KCNN2: variants seen among roughly 807,000 people sequenced by gnomAD.
KCNN2 encodes small conductance calcium-activated potassium channel protein 2.
Under a neutral mutation model 55.5 loss-of-function variants are expected in KCNN2, and 24 were observed. The ratio of observed to expected loss-of-function variants is 0.43; its 90% confidence interval spans 0.31 to 0.61. KCNN2 has a LOEUF of 0.61. Ranked by LOEUF, KCNN2 falls within the 20% of genes least tolerant of loss-of-function variation. KCNN2 has a pLI of 0.08. For synonymous variants in KCNN2, 431 were observed against 336.1 expected, an observed-to-expected ratio of 1.28 and a Z score of -3.09; for missense variants, 754 against 853.6, an observed-to-expected ratio of 0.88 and a Z score of 1.45.
chr5:114,166,834 A>G (rs1041901018), intron 1 of KCNN2, among the ~76,000 whole-genome samples: 2 of 152,060 alleles, frequency 1.3e-5, no homozygotes, highest in Admixed American at 1.3e-4. Flanking sequence ...ACCCTGATGA[A>G]TGAGATCAGT....
chr5:114,431,394 A>G (rs1464906684), intron 3 of KCNN2, among the ~76,000 whole-genome samples: 1 of 151,982 alleles, frequency 6.6e-6, no homozygotes, highest in Non-Finnish European at 1.5e-5. Flanking sequence ...TCATAATATT[A>G]CTTTGCTATC....
intron 1 of KCNN2, among the ~76,000 whole-genome samples, chr5:114,221,415 C>A (rs545539800): frequency 6.6e-6 from 1 of 152,152 alleles, no homozygotes; most frequent in East Asian, 1.9e-4. Context: ...CAATACAAAG[C>A]TATTATTTAA....
upstream of KCNN2, chr5:114,056,020 T>A (rs1750197429): frequency 4.4e-6 from 1 of 227,444 alleles, no homozygotes; most frequent in African/African-American, 2.3e-5. Context: ...GGCCCCCGCC[T>A]GCAGGACTCG....
intron 2 of KCNN2, among the ~76,000 whole-genome samples, chr5:114,293,097 A>G (rs1462587628): frequency 2.6e-5 from 4 of 152,188 alleles, no homozygotes; most frequent in Non-Finnish European, 4.4e-5. Flanking sequence ...TTGGGCTGAG[A>G]CAATGGGGTT....
chr5:114,244,294 A>T (rs61543711), intron 2 of KCNN2, among the ~76,000 whole-genome samples: 3,703 of 150,388 alleles, frequency 0.025, 139 homozygotes, highest in African/African-American at 0.085. Flanking sequence ...GCAAGATGGA[A>T]TTTTTTTGCT....
chr5:114,386,778 C>T (rs985037011), intron 2 of KCNN2, among the ~76,000 whole-genome samples: 10 of 152,160 alleles, frequency 6.6e-5, no homozygotes, highest in South Asian at 2.1e-4. Flanking sequence ...AACATGTCAG[C>T]GAATACATTC....
chr5:114,466,909 A>G (rs2150119193), intron 4 of KCNN2, among the ~76,000 whole-genome samples: 1 of 152,290 alleles, frequency 6.6e-6, no homozygotes, highest in South Asian at 2.1e-4. Context: ...AACAAAAGCA[A>G]TGCGTAAAGC....
At chr5:114,456,891 C>A (rs35641030) in intron 3 of KCNN2, among the ~76,000 whole-genome samples, 121,989 of 152,140 alleles carry the variant, frequency 0.8, 49,216 homozygotes, top group East Asian at 0.93. Context: ...ATGTATGGGG[C>A]GTTTGCTTTG....
chr5:114,068,186 A>G lies in KCNN2; in HGVS notation c.-271+11686A>G, dbSNP rs143908205. ...ATTTCTACACCAAATATTCTAACAA[A>G]TACTTTTCTATAACAGATATTCTTA... On this transcript the variant is annotated intron_variant, in intron 1 of 10. Transcript: ENST00000512097. Among the ~76,000 whole-genome samples the G allele has an allele frequency of 2.7e-3, 405 of 152,360 alleles. 2 individuals are homozygous for G. The highest frequency in any genetic ancestry group is 9.2e-3 in the African/African-American group (381 of 41,590).
At chr5:114,076,123 T>C (rs1580488271) in intron 1 of KCNN2, among the ~76,000 whole-genome samples, 1 of 152,248 alleles carries the variant, frequency 6.6e-6, no homozygotes, top group Non-Finnish European at 1.5e-5. Flanking sequence ...TCCTCCTCAA[T>C]ATTTCTTGAA....
intron 3 of KCNN2, among the ~76,000 whole-genome samples, chr5:114,453,069 A>G (rs1369145581): frequency 2.6e-5 from 4 of 152,160 alleles, no homozygotes; most frequent in Non-Finnish European, 5.9e-5. Context: ...GGATTTGGAC[A>G]CCACCACTTG....
intron 1 of KCNN2, among the ~76,000 whole-genome samples, chr5:114,197,933 T>C (rs1753592355): frequency 6.6e-6 from 1 of 152,128 alleles, no homozygotes; most frequent in African/African-American, 2.4e-5. Context: ...GCTGTATGCA[T>C]TTAGGACAAT....
intron 1 of KCNN2, among the ~76,000 whole-genome samples, chr5:114,172,459 G>A (rs954670655): frequency 6.6e-6 from 1 of 151,560 alleles, no homozygotes; most frequent in Non-Finnish European, 1.5e-5. Context: ...TCACTGGGAT[G>A]TTCACAAGTT....
chr5:114,362,838 C>T lies in KCNN2; in HGVS notation c.699C>T (p.Arg233=), dbSNP rs1445226995. 1.2e-6 allele frequency: 2 copies of T among 1,600,030 alleles called. No individual in the cohort carries two copies. Among genetic ancestry groups the T allele is most frequent in the East Asian group, 2.2e-5 (1 of 44,754 alleles). The change falls in exon 1 of 8, where the codon CGC becomes CGT. Residue 233 remains arginine, a synonymous_variant. Transcript: ENST00000673685. The stretch of plus-strand genomic sequence containing the variant: ...CGCTCAGCAACTTGAGCGCGTCCCG[C>T]CGGAACCTGCACGAGATGGACTCAG... The part of the protein sequence containing the change: ...MRPLSNLSAS[R]RNLHEMDSEA...
At chr5:114,436,891 C>G (rs1445868728) in intron 3 of KCNN2, among the ~76,000 whole-genome samples, 1 of 152,180 alleles carries the variant, frequency 6.6e-6, no homozygotes, top group Non-Finnish European at 1.5e-5. Context: ...TGAAATGTGG[C>G]TGGCATTATT....
intron 1 of KCNN2, among the ~76,000 whole-genome samples, chr5:114,189,341 A>C (rs1290918851): frequency 6.6e-6 from 1 of 152,116 alleles, no homozygotes; most frequent in Non-Finnish European, 1.5e-5. Context: ...TGAGCACAGG[A>C]GGGGATTGAT....
chr5:114,405,044 T>C (rs1580796852), intron 3 of KCNN2, among the ~76,000 whole-genome samples, 188 bp downstream of exon 3: 3 of 152,314 alleles, frequency 2.0e-5, no homozygotes, highest in East Asian at 3.9e-4. Flanking sequence ...AATGCCTTCA[T>C]GCTTGTGTGT....
At chr5:114,388,859 C>T (rs531267209) in intron 2 of KCNN2, among the ~76,000 whole-genome samples, 1 of 152,144 alleles carries the variant, frequency 6.6e-6, no homozygotes, top group African/African-American at 2.4e-5. Context: ...AAAATTTAGA[C>T]ATAATTTAAA....
intron 1 of KCNN2, among the ~76,000 whole-genome samples, chr5:114,149,535 G>C (rs1396993173): frequency 1.3e-5 from 2 of 152,130 alleles, no homozygotes; most frequent in African/African-American, 4.8e-5. Context: ...TTATTATTAA[G>C]TTTAGTGAGG....
Sources: gnomAD v4.1 joint callset for allele counts (sites outside exome capture counted in the v4.1 genomes callset) on GRCh38, gnomAD v4.1.1 for gene constraint, MANE v1.5 for transcripts, NCBI Gene and HGNC (gene_info 2026-07-23, HGNC 2026-07-21) for gene names.